XPNPEP3: variants seen among roughly 807,000 people sequenced by gnomAD.
The protein encoded by XPNPEP3 is xaa-Pro aminopeptidase 3.
In XPNPEP3, 41 loss-of-function variants were observed where a neutral mutation model predicts 60.0. The ratio of observed to expected loss-of-function variants is 0.68; its 90% CI spans 0.53 to 0.89. XPNPEP3 has a LOEUF of 0.89. Ranked by LOEUF, XPNPEP3 falls within the 40% of genes least tolerant of loss-of-function variation. The pLI, the probability that XPNPEP3 is intolerant of heterozygous loss-of-function variation, is 0.00. For synonymous variants in XPNPEP3, 212 were observed against 223.2 expected (o/e 0.95, Z 0.45); for missense variants, 598 against 638.9 (o/e 0.94, Z 0.69).
intron 4 of XPNPEP3, among the ~76,000 whole-genome samples, chr22:40,899,143 T>C (rs1456744497): frequency 6.6e-6 from 1 of 152,192 alleles, no homozygotes; most frequent in Non-Finnish European, 1.5e-5. Flanking sequence ...TAGCCCCTTA[T>C]GTCCATGGTT....
At chr22:40,905,513 A>T (rs1036142080) in intron 4 of XPNPEP3, among the ~76,000 whole-genome samples, 2 of 152,196 alleles carry the variant, frequency 1.3e-5, no homozygotes, top group Non-Finnish European at 2.9e-5. Context: ...TCACAGTTAC[A>T]TTCTGGTGGA....
chr22:40,924,441 C>T lies in XPNPEP3; in HGVS notation c.1316C>T (p.Ser439Phe), dbSNP rs376239218. Reference sequence around the variant, plus strand: ...CATGACACTCCAGACATGCCCCGTTCCCTCCCTCTGCAGCCTGGGATGGTA... The same window carrying T: ...CATGACACTCCAGACATGCCCCGTTTCCTCCCTCTGCAGCCTGGGATGGTA... ...DVHDTPDMPR[S>F]LPLQPGMVIT... The change falls in exon 9 of 10, where the codon TCC (serine) becomes TTC (phenylalanine). Residue 439 changes from serine to phenylalanine, a missense_variant. Coordinates refer to ENST00000357137, the MANE Select transcript of XPNPEP3 (RefSeq NM_022098.4). The T allele has an allele frequency of 1.4e-5, 22 of 1,614,050 alleles. No homozygotes were observed. Among genetic ancestry groups the T allele is most frequent in the Admixed American group, 1.7e-5 (1 of 59,988 alleles).
intron 9 of XPNPEP3, among the ~76,000 whole-genome samples, chr22:40,925,034 C>T (rs554865856): frequency 2.0e-5 from 3 of 152,272 alleles, no homozygotes; most frequent in African/African-American, 7.2e-5. Context: ...TCCTGCCTTT[C>T]CCAGGGCCAG....
chr22:40,914,000 A>C (rs1455532903), intron 6 of XPNPEP3, among the ~76,000 whole-genome samples: 2 of 150,428 alleles, frequency 1.3e-5, no homozygotes, highest in Admixed American at 1.3e-4. Context: ...AAAATTAGCC[A>C]GGTGTGGTGG....
intron 5 of XPNPEP3, among the ~76,000 whole-genome samples, chr22:40,907,962 C>G (rs987344697): frequency 1.3e-5 from 2 of 152,134 alleles, no homozygotes; most frequent in African/African-American, 4.8e-5. Context: ...GCCTGTAATC[C>G]CAGCAGTGTG....
chr22:40,861,017 C>T (rs775928231), intron 1 of XPNPEP3: 2 of 1,518,020 alleles, frequency 1.3e-6, no homozygotes, highest in Admixed American at 4.4e-5. Flanking sequence ...TGTGATTAAC[C>T]AAAACACACA....
At chr22:40,889,561 C>T (rs1006532962) in intron 4 of XPNPEP3, among the ~76,000 whole-genome samples, 17 of 152,224 alleles carry the variant, frequency 1.1e-4, no homozygotes, top group African/African-American at 4.1e-4. Flanking sequence ...GGCATAGTGG[C>T]TCACCCCTAT....
chr22:40,907,294 G>A (rs1054774959), intron 4 of XPNPEP3: 18 of 418,320 alleles, frequency 4.3e-5, no homozygotes, highest in Admixed American at 3.5e-4. Context: ...GGTGGCGGGC[G>A]CCTGTAGTCC....
intron 2 of XPNPEP3, among the ~76,000 whole-genome samples, chr22:40,881,447 ACT>A (rs1392386678): frequency 2.1e-5 from 3 of 145,404 alleles, no homozygotes; most frequent in Non-Finnish European, 4.5e-5. Flanking sequence ...CAAGAGCGAA[ACT>A]CTGTCTCAAA....
In XPNPEP3 at chr22:40,909,115, T is replaced by G. The variant is rs766684662; in HGVS notation, c.856-7T>G. On this transcript the variant is annotated splice_polypyrimidine_tract_variant and splice_region_variant and intron_variant, in intron 5 of 9. Coordinates refer to ENST00000357137, the MANE Select transcript of XPNPEP3 (RefSeq NM_022098.4). ...CCTTTGTCATACCTTGCTGTTGTTTTTCACAGTTTGAATTTGAATGCCGGG... is the reference window on the plus strand; with the variant it reads ...CCTTTGTCATACCTTGCTGTTGTTTGTCACAGTTTGAATTTGAATGCCGGG... 1 of 1,614,084 alleles carries G rather than the reference T, an allele frequency of 6.2e-7. No individual in the cohort carries two copies. Among genetic ancestry groups the G allele is most frequent in the East Asian group, 2.2e-5 (1 of 44,884 alleles).
At chr22:40,898,224 CA>C (rs2058116858) in intron 4 of XPNPEP3, among the ~76,000 whole-genome samples, 1 of 70,228 alleles carries the variant, frequency 1.4e-5, no homozygotes. Flanking sequence ...GTCTTTGACC[CA>C]TTTTTTTTTT....
chr22:40,879,523 T>C (rs1053771174), intron 2 of XPNPEP3, among the ~76,000 whole-genome samples: 1 of 151,998 alleles, frequency 6.6e-6, no homozygotes, highest in Admixed American at 6.6e-5. Flanking sequence ...CTGGGCAACA[T>C]GGTGAAACCC....
chr22:40,909,148 C>T lies in XPNPEP3; in HGVS notation c.882C>T (p.Gly294=), dbSNP rs749916100. The T allele has an allele frequency of 2.0e-5, 33 of 1,614,030 alleles. No individual in the cohort carries two copies. Among genetic ancestry groups the T allele is most frequent in the African/African-American group, 6.7e-5 (5 of 74,916 alleles). ...TTGAATTTGAATGCCGGGCTCGTGG[C>T]GCAGACATTTTAGCCTATCCACCTG... ...AKFEFECRAR[G]ADILAYPPVV... is the part of the protein sequence containing the mutation. The change falls in exon 6 of 10, where the codon GGC becomes GGT. Residue 294 remains glycine, a synonymous_variant. Coordinates refer to ENST00000357137, the MANE Select transcript of XPNPEP3 (RefSeq NM_022098.4).
rs1383258202 is a variant in XPNPEP3, at chr22:40,913,907, G to A, written c.970-332G>A. On this transcript the variant is annotated intron_variant, in intron 6 of 9. Transcript: ENST00000357137. ...CGCCTGTAATCCCCGCACTTTGGGA[G>A]GCCGAGGCAGGCAGATCACCTGAGG... is the stretch of plus-strand genomic sequence containing the variant. Among the ~76,000 whole-genome samples the A allele has an allele frequency of 3.9e-5, 6 of 152,220 alleles. No homozygotes were observed. The East Asian group carries it at 9.7e-4, about 25-fold the overall frequency.
At chr22:40,866,618 A>C (rs1206074984) in intron 1 of XPNPEP3, among the ~76,000 whole-genome samples, 1 of 152,218 alleles carries the variant, frequency 6.6e-6, no homozygotes, top group Non-Finnish European at 1.5e-5. Flanking sequence ...AGCAGGATCC[A>C]AATCATGAAG....
rs376777685 is a variant in XPNPEP3, at chr22:40,886,528, T to A, written c.792+13T>A. On this transcript the variant is annotated intron_variant, in intron 4 of 9. Coordinates refer to ENST00000357137, the MANE Select transcript of XPNPEP3 (RefSeq NM_022098.4). The stretch of plus-strand genomic sequence containing the variant: ...GCTGACATCACAGGTATGATTCCTA[T>A]TGAAAAGTTTTTTCCAGCCGGGCGC... 1 of 1,612,862 alleles carries A rather than the reference T, an allele frequency of 6.2e-7. No homozygotes were observed. Among genetic ancestry groups the A allele is most frequent in the African/African-American group, 1.3e-5 (1 of 74,978 alleles).
In XPNPEP3 at chr22:40,929,633, T is replaced by C. The variant is rs2058247857; in HGVS notation, c.*3198T>C. On this transcript the variant is annotated 3_prime_UTR_variant, in exon 10 of 10. Transcript: ENST00000357137. ...TTATTGGTAGGCAGAAAGGCTGTTG[T>C]AGAATTCTTCTGGTGATTTTCAGTC... The C allele has an allele frequency of 6.6e-6, 1 of 152,252 alleles. No individual in the cohort carries two copies. Among genetic ancestry groups the C allele is most frequent in the Non-Finnish European group, 1.5e-5 (1 of 68,062 alleles). 9.4% of individuals were successfully genotyped at this position (152,252 alleles called of 1,614,324 possible).
At position 40,912,000 on chromosome 22, in the gene XPNPEP3, C is replaced by T. The variant is rs535752334; in HGVS notation, c.970-2239C>T. ...CTGAATGCACAGGCAGTGTGAGATT[C>T]CAGCTGTCTTCTGTGACACTAGACA... On this transcript the variant is annotated intron_variant, in intron 6 of 9. Transcript: ENST00000357137. Among the ~76,000 whole-genome samples, 14 of 152,264 alleles carry T rather than the reference C, an allele frequency of 9.2e-5. No homozygotes were observed. The East Asian group carries it at 2.7e-3, about 29-fold the overall frequency.
intron 2 of XPNPEP3, among the ~76,000 whole-genome samples, chr22:40,873,167 G>A (rs1489467325): frequency 2.1e-5 from 3 of 141,926 alleles, no homozygotes; most frequent in East Asian, 4.4e-4. Flanking sequence ...GTGCAGTGGC[G>A]TGATCCGGCT....
Sources: gnomAD v4.1 joint callset for allele counts (sites outside exome capture counted in the v4.1 genomes callset) on GRCh38, gnomAD v4.1.1 for gene constraint, MANE v1.5 for transcripts, NCBI Gene and HGNC (gene_info 2026-07-23, HGNC 2026-07-21) for gene names.